The following MMP10 variants were observed in gnomAD, a reference collection of about 807,000 sequenced individuals.
MMP10 encodes matrix metallopeptidase 10.
Under a neutral mutation model 49.1 loss-of-function variants are expected in MMP10, and 50 were observed. That is an observed-to-expected ratio of 1.02 (90% CI 0.81 to 1.29). The LOEUF (loss-of-function observed/expected upper bound fraction) is 1.29, where lower values mean the gene tolerates loss of function less well. Among genes scored for constraint, MMP10 ranks in the 50% most tolerant of loss-of-function variants. The pLI is 0.00. For missense variants in MMP10, 613 were observed against 563.8 expected, an observed-to-expected ratio of 1.09 and a Z score of -0.88; for synonymous variants, 229 against 201.6, an observed-to-expected ratio of 1.14 and a Z score of -1.15.
At position 102,770,820 on chromosome 11, in the gene MMP10, T is replaced by C. The variant is rs759145748; in HGVS notation, c.1404A>G (p.Leu468=). ...DPNARMVTHI[L]KSNSWLHC ...AGCAATGTAACCAGCTGTTACTCTT[T>C]AATATGTGTGTCACCATCCTGGCAT... is the stretch of plus-strand genomic sequence containing the variant. The change falls in exon 10 of 10, where the codon TTA becomes TTG. Residue 468 remains leucine (L), a synonymous_variant. Coordinates refer to ENST00000279441, the MANE Select transcript of MMP10 (RefSeq NM_002425.3). 9.3e-6 allele frequency: 15 copies of C among 1,611,710 alleles called. No individual in the cohort carries two copies. In the African/African-American group the frequency reaches 1.5e-4, roughly 16 times the overall value.
At chr11:102,776,205 G>C in intron 6 of MMP10, 75 bp downstream of exon 6, 2 of 1,376,484 alleles carry the variant, frequency 1.5e-6, no homozygotes, top group Non-Finnish European at 2.0e-6. Context: ...AAAAAGCTCT[G>C]TCAAGTTTCT....
At chr11:102,776,834 T>A in intron 4 of MMP10, 58 bp from the exon 5 acceptor site, 33 of 1,598,654 alleles carry the variant, frequency 2.1e-5, no homozygotes, top group Non-Finnish European at 2.7e-5. Context: ...TAAATACACA[T>A]ACAGAACATA....
At chr11:102,774,339 G>A (rs1013554468) in intron 7 of MMP10, among the ~76,000 whole-genome samples, 3 of 151,694 alleles carry the variant, frequency 2.0e-5, no homozygotes, top group African/African-American at 4.8e-5. Flanking sequence ...CAAAAATTAA[G>A]GCAACAATAA....
chr11:102,775,375 A>C, intron 6 of MMP10, 54 bp from the exon 7 acceptor site: 1 of 1,479,874 alleles, frequency 6.8e-7, no homozygotes, highest in Non-Finnish European at 9.1e-7. Flanking sequence ...TATGTGAAAA[A>C]AAAATTCTTT....
intron 7 of MMP10, among the ~76,000 whole-genome samples, chr11:102,773,271 A>G (rs1861992394): frequency 6.6e-6 from 1 of 152,258 alleles, no homozygotes; most frequent in South Asian, 2.1e-4. Context: ...GATCAGTTTT[A>G]GTTATTTCTT....
intron 5 of MMP10, 59 bp downstream of exon 5, chr11:102,776,553 G>T: frequency 6.3e-7 from 1 of 1,583,572 alleles, no homozygotes; most frequent in Non-Finnish European, 8.6e-7. Context: ...GCACTGGAAA[G>T]CTTTCTGGAG....
At position 102,772,095 on chromosome 11, in the gene MMP10, G is replaced by C. The variant is rs766298525; in HGVS notation, c.1247C>G (p.Ser416Cys). 88 of 1,612,130 alleles carry C rather than the reference G, an allele frequency of 5.5e-5. No individual in the cohort carries two copies. The highest frequency in any genetic ancestry group is 7.3e-5 in the Non-Finnish European group (86 of 1,178,632). The change falls in exon 9 of 10, where the codon TCC becomes TGC. Residue 416 changes from serine (S) to cysteine (C), a missense_variant. Transcript: ENST00000279441. The surrounding 1 kb of genome is among the most constrained non-coding windows in gnomAD (Gnocchi z 4.4). The part of the protein sequence containing the change: ...KYWRFDENSQ[S>C]MEQGFPRLIA... ...TAGTCTAGGGAAGCCTTGCTCCATG[G>C]ACTGGCTATTTTCATCAAATCTAAA...
intron 3 of MMP10, 112 bp downstream of exon 3, chr11:102,779,101 G>T: frequency 6.8e-7 from 1 of 1,467,600 alleles, no homozygotes; most frequent in Non-Finnish European, 9.1e-7. Flanking sequence ...CCAGCCTCCA[G>T]AATTGTGAGC....
intron 3 of MMP10, 106 bp from the exon 4 acceptor site, chr11:102,778,855 C>A: frequency 7.4e-7 from 1 of 1,344,606 alleles, no homozygotes; most frequent in South Asian, 1.3e-5. Context: ...GTGTCTGCTG[C>A]AAATTCATAT....
At chr11:102,771,274 C>T (rs1429925205) in intron 9 of MMP10, among the ~76,000 whole-genome samples, 2 of 152,106 alleles carry the variant, frequency 1.3e-5, no homozygotes, top group Non-Finnish European at 2.9e-5. Flanking sequence ...TTCCAACCTC[C>T]CCTCTTCTGC....
In MMP10 at chr11:102,780,551, A is replaced by G. The variant is rs1433769302; in HGVS notation, c.41T>C (p.Val14Ala). 3 of 1,613,982 alleles carry G rather than the reference A, an allele frequency of 1.9e-6. No homozygotes were observed. The highest frequency in any genetic ancestry group is 2.7e-5 in the African/African-American group (2 of 75,032). The stretch of plus-strand genomic sequence containing the variant: ...CCCACTCAGAGGATAGGCAGAGCAG[A>G]CTGGCAGACACAACAGCACAAGGAA... The part of the protein sequence containing the change: ...LAFLVLLCLP[V>A]CSAYPLSGAA... The change falls in exon 1 of 10, where the codon GTC (valine) becomes GCC (alanine). Residue 14 changes from valine to alanine, a missense_variant. Physicochemically the swap from Val to Ala is moderately conservative, Grantham distance 64. Transcript: ENST00000279441.
intron 7 of MMP10, among the ~76,000 whole-genome samples, chr11:102,774,556 A>C (rs541254833): frequency 6.6e-5 from 10 of 152,268 alleles, no homozygotes; most frequent in African/African-American, 2.4e-4. Flanking sequence ...CAACAAAATA[A>C]TTTTCCAAAA....
intron 7 of MMP10, among the ~76,000 whole-genome samples, chr11:102,774,295 T>C (rs1459175092): frequency 2.6e-5 from 4 of 152,144 alleles, no homozygotes; most frequent in Admixed American, 1.3e-4. Context: ...AAACTTAAGC[T>C]ATAACAATAA....
In MMP10 at chr11:102,772,693, C is replaced by T. The variant is rs1453603061; in HGVS notation, c.1226+154G>A. On this transcript the variant is annotated intron_variant, in intron 8 of 9. Transcript: ENST00000279441. This position sits in a 1 kb window ranked among gnomAD's most constrained non-coding sequence, Gnocchi z 4.4. The stretch of plus-strand genomic sequence containing the variant: ...CACCATTCTGAGAGGCCTTTGTATC[C>T]GGAAGGTAGAACAATAAGCTGTCTT... Among the ~76,000 whole-genome samples the T allele has an allele frequency of 2.0e-5, 3 of 152,064 alleles. No individual in the cohort carries two copies. The highest frequency in any genetic ancestry group is 4.8e-5 in the African/African-American group (2 of 41,386).
chr11:102,778,689 G>C lies in MMP10; in HGVS notation c.557C>G (p.Pro186Arg). ...AATATCTCCATAAAGCCCAGGTCCAGGTGGGTAGGCATGAGCCAAACTGTG... is the reference window on the plus strand; with the variant it reads ...AATATCTCCATAAAGCCCAGGTCCACGTGGGTAGGCATGAGCCAAACTGTG... ...PGHSLAHAYPPGPGLYGDIHF... is the reference protein window; with the variant it reads ...PGHSLAHAYPRGPGLYGDIHF... Residue 186 changes from proline (P) to arginine (R), a missense_variant, in exon 4 of 10, where the codon CCT (proline) becomes CGT (arginine). Physicochemically the swap from Pro to Arg is moderately radical, Grantham distance 103. Coordinates refer to ENST00000279441, the MANE Select transcript of MMP10 (RefSeq NM_002425.3). 1 of 1,613,986 alleles carries C rather than the reference G, an allele frequency of 6.2e-7. No homozygotes were observed. Among genetic ancestry groups the C allele is most frequent in the Non-Finnish European group, 8.5e-7 (1 of 1,179,958 alleles).
rs769844777 is a variant in MMP10, at chr11:102,779,236, A to G, written c.473T>C (p.Ile158Thr). The G allele has an allele frequency of 2.5e-6, 4 of 1,613,484 alleles. No individual in the cohort carries two copies. The highest frequency in any genetic ancestry group is 1.1e-5 in the South Asian group (1 of 91,034). ...FSRLYEGEAD[I>T]MISFAVKEHG... ...ACCTTTAACTGCAAAAGAGATCATT[A>G]TATCAGCCTCTCCTTCATACAGCCT... The change falls in exon 3 of 10, where the codon ATA (isoleucine) becomes ACA (threonine). Residue 158 changes from isoleucine to threonine, a missense_variant. Ile to Thr is a moderately conservative substitution (Grantham distance 89). Transcript: ENST00000279441.
At position 102,779,249 on chromosome 11, in the gene MMP10, C is replaced by T; in HGVS notation, c.460G>A (p.Gly154Arg). Residue 154 changes from glycine (G) to arginine (R), a missense_variant, in exon 3 of 10, where the codon GGA (glycine) becomes AGA (arginine). Physicochemically the swap from Gly to Arg is moderately radical, Grantham distance 125. Transcript: ENST00000279441. Reference sequence around the variant, plus strand: ...AAAGAGATCATTATATCAGCCTCTCCTTCATACAGCCTGGAGAATGTGAGT... The same window carrying T: ...AAAGAGATCATTATATCAGCCTCTCTTTCATACAGCCTGGAGAATGTGAGT... The part of the protein sequence containing the change: ...TPLTFSRLYE[G>R]EADIMISFAV... 2 of 1,613,938 alleles carry T rather than the reference C, an allele frequency of 1.2e-6. No homozygotes were observed. Among genetic ancestry groups the T allele is most frequent in the Non-Finnish European group, 1.7e-6 (2 of 1,180,000 alleles).
chr11:102,780,327 A>G (rs1168282933), intron 1 of MMP10, among the ~76,000 whole-genome samples, 160 bp downstream of exon 1: 2 of 152,146 alleles, frequency 1.3e-5, no homozygotes, highest in Non-Finnish European at 2.9e-5. Flanking sequence ...CTTCTCTGTT[A>G]ACATAAAAAT....
chr11:102,778,617 G>T lies in MMP10; in HGVS notation c.622+7C>A. Reference sequence around the variant, plus strand: ...CCTGAAATGTTCCCGAGAGGTTTACGACCCACCTGATGCATCTTCTGTCCA... The same window carrying T: ...CCTGAAATGTTCCCGAGAGGTTTACTACCCACCTGATGCATCTTCTGTCCA... On this transcript the variant is annotated splice_region_variant and intron_variant, in intron 4 of 9. Coordinates refer to ENST00000279441, the MANE Select transcript of MMP10 (RefSeq NM_002425.3). The T allele has an allele frequency of 6.2e-7, 1 of 1,613,600 alleles. No individual in the cohort carries two copies. The highest frequency in any genetic ancestry group is 1.1e-5 in the South Asian group (1 of 90,996).
Sources: gnomAD v4.1 joint callset for allele counts (sites outside exome capture counted in the v4.1 genomes callset) on GRCh38, gnomAD v4.1.1 for gene constraint, Gnocchi (gnomAD v3.1) non-coding constraint, MANE v1.5 for transcripts, NCBI Gene and HGNC (gene_info 2026-07-23, HGNC 2026-07-21) for gene names.